The following CDH13 variants were observed in gnomAD, a reference collection of about 807,000 sequenced individuals.
The protein encoded by CDH13 is cadherin-13.
In CDH13, 24 loss-of-function variants were observed where a neutral mutation model predicts 63.8. The ratio of observed to expected loss-of-function variants is 0.38; its 90% CI spans 0.27 to 0.53. CDH13 has a LOEUF of 0.53. Among genes scored for constraint, CDH13 ranks in the 20% least tolerant of loss-of-function variants. The pLI is 0.85. For synonymous variants in CDH13, 503 were observed against 355.3 expected, an observed-to-expected ratio of 1.42 and a Z score of -4.67; for missense variants, 1,049 against 903.1, an observed-to-expected ratio of 1.16 and a Z score of -2.07.
chr16:83,448,704 G>C (rs2072785098), intron 6 of CDH13, among the ~76,000 whole-genome samples: 1 of 152,168 alleles, frequency 6.6e-6, no homozygotes, highest in Non-Finnish European at 1.5e-5. Flanking sequence ...AGAGTAAGAG[G>C]ATGCATTCAT....
chr16:83,672,913 G>A (rs1026528540), intron 9 of CDH13, among the ~76,000 whole-genome samples: 3 of 152,334 alleles, frequency 2.0e-5, no homozygotes, highest in South Asian at 4.1e-4. Context: ...CAGTGGCTAT[G>A]TCATTCTATG....
At chr16:82,768,564 G>C (rs979546) in intron 1 of CDH13, among the ~76,000 whole-genome samples, 19 of 152,174 alleles carry the variant, frequency 1.2e-4, no homozygotes, top group Non-Finnish European at 2.1e-4. Context: ...TTCAAAAATA[G>C]GGTATAGCCT....
chr16:82,943,904 A>G (rs369126005), intron 2 of CDH13, among the ~76,000 whole-genome samples: 2 of 152,202 alleles, frequency 1.3e-5, no homozygotes, highest in African/African-American at 4.8e-5. Flanking sequence ...TTTTACAATT[A>G]GCAGCTTCAG....
At chr16:83,528,886 A>G (rs543365667) in intron 7 of CDH13, among the ~76,000 whole-genome samples, 5 of 152,340 alleles carry the variant, frequency 3.3e-5, no homozygotes, top group Non-Finnish European at 5.9e-5. Flanking sequence ...GATCATGGCT[A>G]TATAACTGTT....
At chr16:83,500,918 CCAAA>C (rs1348327630) in intron 7 of CDH13, among the ~76,000 whole-genome samples, 14 of 152,114 alleles carry the variant, frequency 9.2e-5, no homozygotes, top group African/African-American at 3.4e-4. Flanking sequence ...TATTTGTTGA[CCAAA>C]CAGAGGGAGT....
chr16:82,994,403 C>T (rs536957626), intron 2 of CDH13, among the ~76,000 whole-genome samples: 10 of 152,112 alleles, frequency 6.6e-5, no homozygotes, highest in Non-Finnish European at 1.2e-4. Context: ...AGACCCCCTA[C>T]CTTTAGGGAG....
chr16:82,941,214 G>A (rs1567679893), intron 2 of CDH13, among the ~76,000 whole-genome samples: 1 of 152,118 alleles, frequency 6.6e-6, no homozygotes, highest in Non-Finnish European at 1.5e-5. Flanking sequence ...ATATTTTGGG[G>A]CTCCTATACA....
chr16:83,728,720 A>G (rs1438854320), intron 10 of CDH13: 2 of 152,324 alleles, frequency 1.3e-5, no homozygotes, highest in East Asian at 3.9e-4. Context: ...AGGTTGGGCC[A>G]TGTGAAATTG....
intron 6 of CDH13, among the ~76,000 whole-genome samples, chr16:83,475,831 C>CA (rs1255594303): frequency 1.3e-5 from 2 of 152,186 alleles, no homozygotes; most frequent in Non-Finnish European, 2.9e-5. Context: ...GTGATCCACC[C>CA]ACCTCGGCCT....
intron 1 of CDH13, among the ~76,000 whole-genome samples, chr16:82,639,922 A>G (rs1226152224): frequency 6.6e-6 from 1 of 152,174 alleles, no homozygotes; most frequent in African/African-American, 2.4e-5. Flanking sequence ...GGCCGTGCCT[A>G]TCTGTGCATT....
At chr16:83,643,702 G>A (rs1911522894) in intron 8 of CDH13, among the ~76,000 whole-genome samples, 1 of 152,290 alleles carries the variant, frequency 6.6e-6, no homozygotes, top group East Asian at 1.9e-4. Flanking sequence ...GTTTGCAGAA[G>A]CAGTCAGGAG....
chr16:83,676,493 G>A (rs775012229), intron 9 of CDH13, among the ~76,000 whole-genome samples: 2 of 152,190 alleles, frequency 1.3e-5, no homozygotes, highest in African/African-American at 4.8e-5. Flanking sequence ...CCTGGTTTGA[G>A]GTTTACTTTA....
intron 8 of CDH13, among the ~76,000 whole-genome samples, chr16:83,644,094 C>T (rs1314517655): frequency 2.0e-5 from 3 of 152,230 alleles, no homozygotes; most frequent in Non-Finnish European, 2.9e-5. Flanking sequence ...AGTCCTTGGA[C>T]CCTGCAGCCT....
At chr16:83,750,373 A>G (rs1356986663) in intron 11 of CDH13, among the ~76,000 whole-genome samples, 1 of 152,164 alleles carries the variant, frequency 6.6e-6, no homozygotes, top group East Asian at 1.9e-4. Context: ...GACTTATGAC[A>G]CCTAACTGGC....
chr16:83,618,543 A>G (rs1285880226), intron 8 of CDH13, among the ~76,000 whole-genome samples: 1 of 152,152 alleles, frequency 6.6e-6, no homozygotes, highest in Non-Finnish European at 1.5e-5. Context: ...TGTGGCACAA[A>G]ATGCTGCTGC....
At chr16:83,082,055 C>G (rs2151564716) in intron 3 of CDH13, among the ~76,000 whole-genome samples, 1 of 152,302 alleles carries the variant, frequency 6.6e-6, no homozygotes, top group African/African-American at 2.4e-5. Context: ...CCGCCTCGGC[C>G]TCCCAAAGTG....
At chr16:82,780,852 C>G (rs763101947) in intron 1 of CDH13, among the ~76,000 whole-genome samples, 1 of 152,110 alleles carries the variant, frequency 6.6e-6, no homozygotes, top group Admixed American at 6.5e-5. Flanking sequence ...TGTAATAACC[C>G]GATACACAAA....
At chr16:83,492,382 A>G (rs1007586388) in intron 7 of CDH13, among the ~76,000 whole-genome samples, 2 of 152,160 alleles carry the variant, frequency 1.3e-5, no homozygotes, top group Non-Finnish European at 2.9e-5. Context: ...GCTGTCAGGA[A>G]TATTATCTTG....
Position 83,114,461 on chromosome 16 carries a change from A to G in CDH13, c.367-10924A>G, listed in dbSNP as rs78646544. Among the ~76,000 whole-genome samples, 1,282 of 152,290 alleles carry G rather than the reference A, an allele frequency of 8.4e-3. 13 individuals carry two copies. The highest frequency in any genetic ancestry group is 0.014 in the Non-Finnish European group (933 of 68,032). On this transcript the variant is annotated intron_variant, in intron 3 of 13. Coordinates refer to ENST00000567109, the MANE Select transcript of CDH13 (RefSeq NM_001257.5). ...CAGCTTATTGGCTTGATGCCATCCT[A>G]TGAATCCACCAACCATCATCTTCTC... is the stretch of plus-strand genomic sequence containing the variant.
Sources: allele counts gnomAD v4.1 joint callset (sites outside exome capture counted in the v4.1 genomes callset), GRCh38; gene constraint gnomAD v4.1.1; transcripts MANE v1.5; gene names NCBI Gene and HGNC (gene_info 2026-07-23, HGNC 2026-07-21).